Variants in ABL2 observed in about 807,000 individuals in gnomAD.
ABL2 encodes the protein ABL proto-oncogene 2, non-receptor tyrosine kinase, also known as tyrosine-protein kinase ABL2.
In ABL2, 49 loss-of-function variants were observed where a neutral mutation model predicts 107.7. The observed-to-expected ratio is 0.45, with a 90% CI of 0.36 to 0.58. The LOEUF (loss-of-function observed/expected upper bound fraction) is 0.58. ABL2 is among the 20% of genes least tolerant of loss of function. The pLI is 0.00. For synonymous variants in ABL2, 549 were observed against 548.6 expected (o/e 1.00, Z -0.01); for missense variants, 1,245 against 1,457.0 (o/e 0.85, Z 2.37).
At chr1:179,226,315 T>TC (rs1379303968) in intron 1 of ABL2, among the ~76,000 whole-genome samples, 1 of 112,722 alleles carries the variant, frequency 8.9e-6, no homozygotes, top group African/African-American at 3.3e-5. Flanking sequence ...CCCTACTTTT[T>TC]TTTTTTTTTT....
At chr1:179,192,126 T>C (rs2102823004) in intron 1 of ABL2, among the ~76,000 whole-genome samples, 1 of 152,344 alleles carries the variant, frequency 6.6e-6, no homozygotes, top group South Asian at 2.1e-4. Flanking sequence ...GTCACGTATA[T>C]AGCAGGGACT....
intron 1 of ABL2, 123 bp downstream of exon 1, chr1:179,229,118 C>T (rs981689410): frequency 2.4e-5 from 30 of 1,243,874 alleles, no homozygotes; most frequent in African/African-American, 6.3e-5. Flanking sequence ...CAGCGGATTC[C>T]GCCCCCACTC....
chr1:179,229,592 T>G lies in ABL2; in HGVS notation c.-195A>C, dbSNP rs1663440100. On this transcript the variant is annotated 5_prime_UTR_variant, in exon 1 of 12. Coordinates refer to ENST00000502732, the MANE Select transcript of ABL2 (RefSeq NM_007314.4). ...GCGCTGCCTCCAGGCGACTCACAGA[T>G]TCTGCTTTTCCCTCCTCCTGTCGCG... The G allele has an allele frequency of 1.2e-5, 7 of 563,950 alleles. No homozygotes were observed. Among genetic ancestry groups the G allele is most frequent in the Non-Finnish European group, 2.0e-5 (7 of 346,024 alleles). 34.9% of individuals were successfully genotyped at this position (563,950 alleles called of 1,614,324 possible).
At position 179,219,879 on chromosome 1, in the gene ABL2, C is replaced by T. The variant is rs112019195; in HGVS notation, c.157+9362G>A. On this transcript the variant is annotated intron_variant, in intron 1 of 11. Coordinates refer to ENST00000502732, the MANE Select transcript of ABL2 (RefSeq NM_007314.4). ...TGCTTAGGTTTACAAAACATTTTCA[C>T]ATACAACTCATATAATCTTCACAAT... Among the ~76,000 whole-genome samples, 1,362 of 152,344 alleles carry T rather than the reference C, an allele frequency of 8.9e-3. 7 individuals carry two copies. The highest frequency in any genetic ancestry group is 0.02 in the Middle Eastern group (6 of 294).
intron 1 of ABL2, among the ~76,000 whole-genome samples, chr1:179,187,671 T>G (rs1660750828): frequency 6.6e-6 from 1 of 152,240 alleles, no homozygotes. Flanking sequence ...ATATAAATGT[T>G]CATTATGAAT....
intron 4 of ABL2, among the ~76,000 whole-genome samples, chr1:179,122,960 A>T (rs1173777604): frequency 1.3e-5 from 2 of 152,150 alleles, no homozygotes; most frequent in Non-Finnish European, 2.9e-5. Context: ...ACGCCCGGCC[A>T]GTCTTCAAAT....
At chr1:179,118,448 CATT>C in intron 7 of ABL2, 136 bp downstream of exon 7, 2 of 764,130 alleles carry the variant, frequency 2.6e-6, no homozygotes, top group East Asian at 5.3e-5. Context: ...TTAGAAGTGA[CATT>C]ATAATGGGCC....
intron 1 of ABL2, among the ~76,000 whole-genome samples, chr1:179,195,647 T>C (rs1478260862): frequency 6.6e-6 from 1 of 151,974 alleles, no homozygotes; most frequent in Non-Finnish European, 1.5e-5. Flanking sequence ...CATAAAGAGA[T>C]GAGTGGATAA....
intron 1 of ABL2, among the ~76,000 whole-genome samples, chr1:179,135,562 C>T (rs1368845464): frequency 6.6e-6 from 1 of 151,344 alleles, no homozygotes; most frequent in Non-Finnish European, 1.5e-5. Flanking sequence ...AAGTGAGGAG[C>T]GTCTCCTCCT....
intron 1 of ABL2, among the ~76,000 whole-genome samples, chr1:179,179,076 A>C (rs1341021954): frequency 6.6e-6 from 1 of 152,246 alleles, no homozygotes; most frequent in South Asian, 2.1e-4. Flanking sequence ...ACACAACTAC[A>C]TTAACAACAG....
chr1:179,143,073 CTG>C (rs1384966451), intron 1 of ABL2: 1 of 1,612,178 alleles, frequency 6.2e-7, no homozygotes, highest in Admixed American at 1.7e-5. Context: ...AAAAGTTAAA[CTG>C]TTCTGTGTAA....
At chr1:179,175,790 A>C (rs1023702171) in intron 1 of ABL2, among the ~76,000 whole-genome samples, 2 of 152,004 alleles carry the variant, frequency 1.3e-5, no homozygotes, top group Admixed American at 6.6e-5. Flanking sequence ...GGGAATGATG[A>C]AGCAAATTAA....
In ABL2 at chr1:179,121,588, A is replaced by G. The variant is rs529092955; in HGVS notation, c.960+7T>C. The G allele has an allele frequency of 2.5e-6, 4 of 1,607,686 alleles. No homozygotes were observed. The Admixed American group carries it at 6.7e-5, about 27-fold the overall frequency. On this transcript the variant is annotated splice_region_variant and intron_variant, in intron 5 of 11. Transcript: ENST00000502732. ...ATGCCTGAAAACTGTAATTCTCAGCAACCCACCTTCAATGTTTTCACAGCA... is the reference window on the plus strand; with the variant it reads ...ATGCCTGAAAACTGTAATTCTCAGCGACCCACCTTCAATGTTTTCACAGCA...
At chr1:179,150,917 A>C (rs1043973428) in intron 1 of ABL2, among the ~76,000 whole-genome samples, 10 of 152,216 alleles carry the variant, frequency 6.6e-5, no homozygotes, top group African/African-American at 2.2e-4. Context: ...AGCAGCCATC[A>C]ATGTTGGGGC....
intron 1 of ABL2, among the ~76,000 whole-genome samples, chr1:179,205,357 C>T (rs1661905638): frequency 6.6e-6 from 1 of 152,176 alleles, no homozygotes; most frequent in African/African-American, 2.4e-5. Flanking sequence ...TTTCCAGCTG[C>T]CCTCCCAGGC....
In ABL2 at chr1:179,110,286, T is replaced by G. The variant is rs1345807560; in HGVS notation, c.1821A>C (p.Ala607=). The G allele has an allele frequency of 6.2e-7, 1 of 1,614,222 alleles. No homozygotes were observed. Residue 607 remains alanine (A), a synonymous_variant, in exon 11 of 12, where the codon GCA becomes GCC. Transcript: ENST00000502732. ...TACCTGCTAAGGGACCCATACCTGGTGCTAAACTGGAAGCAGAATTTTCTG... is the reference window on the plus strand; with the variant it reads ...TACCTGCTAAGGGACCCATACCTGGGGCTAAACTGGAAGCAGAATTTTCTG... ...DATENSASSL[A]PGFIRGAQAS... is the part of the protein sequence containing the mutation.
chr1:179,227,849 G>C (rs1455569146), intron 1 of ABL2, among the ~76,000 whole-genome samples: 1 of 151,542 alleles, frequency 6.6e-6, no homozygotes, highest in East Asian at 1.9e-4. Flanking sequence ...TCAGGCGTTC[G>C]AGACCAGCCT....
chr1:179,224,263 T>C (rs1663070137), intron 1 of ABL2, among the ~76,000 whole-genome samples: 1 of 150,458 alleles, frequency 6.6e-6, no homozygotes, highest in Admixed American at 6.6e-5. Context: ...AATGTAAGGG[T>C]TTTTGTTTGT....
rs755408321 is a variant in ABL2, at chr1:179,106,612, G to A, written c.*1106C>T. On this transcript the variant is annotated 3_prime_UTR_variant, in exon 12 of 12. Transcript: ENST00000502732. ...CTCTACCTGGATTGGGCTTAAGGTG[G>A]TAAGGGAAGGGAAAGGTACAGAGAA... 26 of 232,610 alleles carry A rather than the reference G, an allele frequency of 1.1e-4. No homozygotes were observed. Among genetic ancestry groups the A allele is most frequent in the Non-Finnish European group, 2.0e-4 (23 of 117,740 alleles). 14.4% of individuals were successfully genotyped at this position (232,610 alleles called of 1,614,324 possible).
Sources: gnomAD v4.1 joint callset for allele counts (sites outside exome capture counted in the v4.1 genomes callset) on GRCh38, gnomAD v4.1.1 for gene constraint, MANE v1.5 for transcripts, NCBI Gene and HGNC (gene_info 2026-07-23, HGNC 2026-07-21) for gene names.